DIP2B: variants seen among roughly 807,000 people sequenced by gnomAD.
DIP2B encodes DIP2 acetate--CoA ligase B (putative).
Under a neutral mutation model 198.0 loss-of-function variants are expected in DIP2B, and 76 were observed. The observed-to-expected ratio is 0.38, with a 90% CI of 0.32 to 0.46. The LOEUF (loss-of-function observed/expected upper bound fraction) is 0.46. Among genes scored for constraint, DIP2B ranks in the 20% least tolerant of loss-of-function variants. DIP2B has a pLI of 0.99. For missense variants in DIP2B, 1,559 were observed against 1,978.4 expected (o/e 0.79, Z 4.02); for synonymous variants, 701 against 739.1 (o/e 0.95, Z 0.84).
At chr12:50,736,037 C>T (rs1398945605) in intron 34 of DIP2B, among the ~76,000 whole-genome samples, 1 of 152,136 alleles carries the variant, frequency 6.6e-6, no homozygotes, top group Non-Finnish European at 1.5e-5. Context: ...GGGAATTTCT[C>T]TGCCCTTTGA....
chr12:50,686,760 A>T (rs758326354), intron 12 of DIP2B, 78 bp downstream of exon 12: 1 of 1,367,682 alleles, frequency 7.3e-7, no homozygotes, highest in Non-Finnish European at 1.0e-6. Flanking sequence ...ATAAAACTGA[A>T]TTTTTGCAAC....
At chr12:50,541,133 G>A (rs1449910358) in intron 1 of DIP2B, among the ~76,000 whole-genome samples, 1 of 152,146 alleles carries the variant, frequency 6.6e-6, no homozygotes, top group African/African-American at 2.4e-5. Context: ...AATGTAGAAA[G>A]AATCAGTGTA....
At chr12:50,715,252 C>T (rs1049353204) in intron 23 of DIP2B, among the ~76,000 whole-genome samples, 1 of 152,268 alleles carries the variant, frequency 6.6e-6, no homozygotes, top group Middle Eastern at 3.4e-3. Flanking sequence ...GAACAAATAA[C>T]CCTAAAACTC....
At chr12:50,697,598 T>C (rs1015840270) in intron 17 of DIP2B, among the ~76,000 whole-genome samples, 3 of 145,904 alleles carry the variant, frequency 2.1e-5, no homozygotes, top group African/African-American at 7.5e-5. Context: ...GGCATGATTA[T>C]GGCTCACTGC....
chr12:50,592,768 C>T (rs779968366), intron 1 of DIP2B, among the ~76,000 whole-genome samples: 1 of 152,166 alleles, frequency 6.6e-6, no homozygotes, highest in Non-Finnish European at 1.5e-5. Context: ...AGCCACTGCA[C>T]CCGGCCAGAT....
At chr12:50,520,953 T>C (rs1593575513) in intron 1 of DIP2B, among the ~76,000 whole-genome samples, 1 of 152,174 alleles carries the variant, frequency 6.6e-6, no homozygotes, top group Non-Finnish European at 1.5e-5. Context: ...GTATTTTCCC[T>C]GTCAGGACTG....
At chr12:50,741,584 C>A in intron 37 of DIP2B, 45 bp downstream of exon 37, 1 of 1,585,222 alleles carries the variant, frequency 6.3e-7, no homozygotes, top group South Asian at 1.2e-5. Context: ...CAGCTTTAGT[C>A]ATAATCTCAA....
Position 50,712,586 on chromosome 12 carries a change from A to G in DIP2B, c.2650-1809A>G, listed in dbSNP as rs564260001. 3.3e-5 allele frequency among the ~76,000 whole-genome samples: 5 copies of G among 150,858 alleles called. No individual in the cohort carries two copies. The East Asian group carries it at 7.9e-4, about 24-fold the overall frequency. The stretch of plus-strand genomic sequence containing the variant: ...GCCACTGCACTTCAGCCTGGGAGAA[A>G]AAGCGAGACTCCATCTTAAAAAAAC... On this transcript the variant is annotated intron_variant, in intron 22 of 37. Transcript: ENST00000301180.
chr12:50,621,714 A>AG (rs1331796714), intron 1 of DIP2B, among the ~76,000 whole-genome samples: 1 of 152,210 alleles, frequency 6.6e-6, no homozygotes, highest in African/African-American at 2.4e-5. Context: ...AAGTAGTGGA[A>AG]GGCATCACAG....
chr12:50,685,516 A>C (rs182968332), intron 10 of DIP2B, among the ~76,000 whole-genome samples: 200 of 152,332 alleles, frequency 1.3e-3, no homozygotes, highest in Middle Eastern at 0.01. Context: ...CCATGTTAGC[A>C]TTTATTTAAT....
rs71083581 is a variant in DIP2B at position 50,511,291 on chromosome 12, A to ATTTTTTTTTTTTTT, written c.100+6059_100+6072dup. 4.0e-3 allele frequency among the ~76,000 whole-genome samples: 257 copies of ATTTTTTTTTTTTTT among 64,660 alleles called. 71 individuals carry two copies. Among genetic ancestry groups the ATTTTTTTTTTTTTT allele is most frequent in the African/African-American group, 4.1e-3 (68 of 16,538 alleles). 42.4% of individuals were successfully genotyped at this position (64,660 alleles called of 152,430 possible). A position where few individuals can be genotyped will look rare whatever the true frequency, so the allele number is the denominator to read the frequency against. ...CCTATCCCTGACCAGTGTGATTTCT[A>ATTTTTTTTTTTTTT]TTTTTTTTTTTTTTTTTTTTTGAGA... On this transcript the variant is annotated intron_variant, in intron 1 of 37. Transcript: ENST00000301180.
At chr12:50,521,152 G>A (rs1182771264) in intron 1 of DIP2B, among the ~76,000 whole-genome samples, 1 of 145,854 alleles carries the variant, frequency 6.9e-6, no homozygotes, top group Non-Finnish European at 1.5e-5. Context: ...TGTCGCCCAG[G>A]CTGGAGTACA....
In DIP2B at chr12:50,505,087, G is replaced by A. The variant is rs1957954225; in HGVS notation, c.-54G>A. 6 of 1,490,216 alleles carry A rather than the reference G, an allele frequency of 4.0e-6. No homozygotes were observed. Among genetic ancestry groups the A allele is most frequent in the Non-Finnish European group, 5.4e-6 (6 of 1,110,660 alleles). 92.3% of individuals were successfully genotyped at this position (1,490,216 alleles called of 1,614,324 possible). On this transcript the variant is annotated 5_prime_UTR_variant, in exon 1 of 38. Coordinates refer to ENST00000301180, the MANE Select transcript of DIP2B (RefSeq NM_173602.3). ...GCCGGGTGTGGGCCCGTGTCTGTCC[G>A]TCCCTCCTTCGGCCCCCTCTCTTGT...
chr12:50,509,063 T>A (rs533633408), intron 1 of DIP2B, among the ~76,000 whole-genome samples: 4 of 152,218 alleles, frequency 2.6e-5, no homozygotes, highest in African/African-American at 9.7e-5. Flanking sequence ...CCATCACTTA[T>A]GCATTCAGTT....
chr12:50,662,252 T>C (rs1026068244), intron 4 of DIP2B, among the ~76,000 whole-genome samples: 3 of 152,172 alleles, frequency 2.0e-5, no homozygotes, highest in Admixed American at 2.0e-4. Flanking sequence ...GTTCTGGGGA[T>C]CTCTGGGTAG....
At position 50,742,991 on chromosome 12, in the gene DIP2B, G is replaced by A. The variant is rs187209151; in HGVS notation, c.4478+1452G>A. The stretch of plus-strand genomic sequence containing the variant: ...AAGAACATCTTTAGACATCTGGAAA[G>A]CATCCAGGGAAGCTGGGTGCTGTGG... On this transcript the variant is annotated intron_variant, in intron 37 of 37. Coordinates refer to ENST00000301180, the MANE Select transcript of DIP2B (RefSeq NM_173602.3). Among the ~76,000 whole-genome samples, 8 of 152,278 alleles carry A rather than the reference G, an allele frequency of 5.3e-5. No homozygotes were observed. The East Asian group carries it at 1.3e-3, about 26-fold the overall frequency.
chr12:50,662,004 C>T (rs564098254), intron 4 of DIP2B, among the ~76,000 whole-genome samples: 29 of 152,160 alleles, frequency 1.9e-4, no homozygotes, highest in East Asian at 5.8e-4. Context: ...AGAAACAAAT[C>T]GCAGCTGTTC....
intron 1 of DIP2B, among the ~76,000 whole-genome samples, chr12:50,550,181 T>A (rs1958415653): frequency 6.6e-6 from 1 of 152,236 alleles, no homozygotes; most frequent in African/African-American, 2.4e-5. Context: ...TTGTATGTAA[T>A]GGATAACGTT....
chr12:50,672,252 A>G (rs997159186), intron 5 of DIP2B, among the ~76,000 whole-genome samples: 1 of 152,078 alleles, frequency 6.6e-6, no homozygotes, highest in African/African-American at 2.4e-5. Flanking sequence ...TCAATTCAAG[A>G]CTATAATTTT....
Sources: gnomAD v4.1 joint callset for allele counts (sites outside exome capture counted in the v4.1 genomes callset) on GRCh38, gnomAD v4.1.1 for gene constraint, MANE v1.5 for transcripts, NCBI Gene and HGNC (gene_info 2026-07-23, HGNC 2026-07-21) for gene names.